The following SLC15A5 variants were observed in gnomAD, a reference collection of about 807,000 sequenced individuals.
SLC15A5 encodes the protein solute carrier family 15 member 5, also known as Peptide/histidine transporter ENSP00000340402.
A neutral mutation model predicts 56.1 loss-of-function variants in SLC15A5; 58 were observed. The observed-to-expected ratio is 1.03, with a 90% confidence interval of 0.84 to 1.29. SLC15A5 has a LOEUF of 1.29. Among genes scored for constraint, SLC15A5 ranks in the 50% most tolerant of loss-of-function variants. The pLI is 0.00. For synonymous variants in SLC15A5, 264 were observed against 250.5 expected, an observed-to-expected ratio of 1.05 and a Z score of -0.51; for missense variants, 681 against 672.1, an observed-to-expected ratio of 1.01 and a Z score of -0.15.
intron 5 of SLC15A5, among the ~76,000 whole-genome samples, chr12:16,232,674 G>C (rs528888659): frequency 1.3e-5 from 2 of 152,300 alleles, no homozygotes; most frequent in Non-Finnish European, 2.9e-5. Flanking sequence ...CCAGCACTTT[G>C]GGAGGCCGAG....
intron 3 of SLC15A5, among the ~76,000 whole-genome samples, chr12:16,246,973 A>T (rs1275967863): frequency 1.3e-5 from 2 of 152,224 alleles, no homozygotes; most frequent in African/African-American, 4.8e-5. Flanking sequence ...AATAAAAATG[A>T]AATATCTAAA....
At position 16,189,675 on chromosome 12, in the gene SLC15A5, G is replaced by T; in HGVS notation, c.1733C>A (p.Ala578Asp). ...GTAGACTCAAACACAGTTTCATAGG[G>T]CTGTCTCCCAAAGATCAATACTTGA... Reference protein sequence around the residue: ...FSSSIDLWETAL With the variant: ...FSSSIDLWETDL Residue 578 changes from alanine (A) to aspartate (D), a missense_variant, in exon 9 of 9, where the codon GCC (alanine) becomes GAC (aspartate). Coordinates refer to ENST00000344941, the MANE Select transcript of SLC15A5 (RefSeq NM_001170798.1). 6.6e-7 allele frequency: 1 copy of T among 1,507,162 alleles called. No individual in the cohort carries two copies. 93.4% of individuals were successfully genotyped at this position (1,507,162 alleles called of 1,614,324 possible).
At chr12:16,202,834 A>G (rs1412996328) in intron 7 of SLC15A5, among the ~76,000 whole-genome samples, 2 of 152,296 alleles carry the variant, frequency 1.3e-5, no homozygotes, top group East Asian at 3.9e-4. Flanking sequence ...TCTAGAGTAC[A>G]TTATGCTAAT....
intron 3 of SLC15A5, among the ~76,000 whole-genome samples, chr12:16,248,455 G>C (rs1355717433): frequency 1.3e-5 from 2 of 152,066 alleles, no homozygotes; most frequent in African/African-American, 2.4e-5. Context: ...CAATGTGCTA[G>C]ATGGGTTGTA....
intron 1 of SLC15A5, among the ~76,000 whole-genome samples, chr12:16,276,523 G>C (rs1436303465): frequency 6.6e-6 from 1 of 151,918 alleles, no homozygotes; most frequent in Non-Finnish European, 1.5e-5. Context: ...GAGATTTTCT[G>C]ATCTCTCTCT....
intron 3 of SLC15A5, among the ~76,000 whole-genome samples, chr12:16,253,907 A>G (rs1187116663): frequency 6.6e-6 from 1 of 152,146 alleles, no homozygotes; most frequent in East Asian, 1.9e-4. Context: ...AATTACTACT[A>G]TATGATTCAG....
chr12:16,200,100 G>C (rs1863938764), intron 7 of SLC15A5, among the ~76,000 whole-genome samples: 1 of 151,696 alleles, frequency 6.6e-6, no homozygotes, highest in Non-Finnish European at 1.5e-5. Flanking sequence ...GGGTCAATAT[G>C]GGTAAGGAAA....
intron 5 of SLC15A5, 116 bp downstream of exon 5, chr12:16,239,565 T>C: frequency 9.7e-7 from 1 of 1,031,612 alleles, no homozygotes; most frequent in Non-Finnish European, 1.4e-6. Context: ...TCACCTGTTT[T>C]CCATATTATC....
At chr12:16,250,717 T>G (rs1311096993) in intron 3 of SLC15A5, among the ~76,000 whole-genome samples, 1 of 151,964 alleles carries the variant, frequency 6.6e-6, no homozygotes, top group Non-Finnish European at 1.5e-5. Flanking sequence ...TTAAAAGATA[T>G]TCTAACATAA....
intron 2 of SLC15A5, among the ~76,000 whole-genome samples, chr12:16,264,688 G>A (rs1472393017): frequency 6.6e-6 from 1 of 152,122 alleles, no homozygotes; most frequent in Non-Finnish European, 1.5e-5. Context: ...GAATCATGGG[G>A]GCACATCTTT....
At chr12:16,198,132 A>G (rs1304826725) in intron 7 of SLC15A5, among the ~76,000 whole-genome samples, 1 of 152,174 alleles carries the variant, frequency 6.6e-6, no homozygotes, top group African/African-American at 2.4e-5. Flanking sequence ...GCTAGTTAGT[A>G]ATAGTGTTCA....
intron 7 of SLC15A5, among the ~76,000 whole-genome samples, chr12:16,210,783 G>A (rs959409133): frequency 3.9e-5 from 6 of 152,266 alleles, no homozygotes; most frequent in Middle Eastern, 3.4e-3. Flanking sequence ...CAATAGCAAT[G>A]GACTGTTGCT....
Position 16,251,745 on chromosome 12 carries a change from A to C in SLC15A5, c.754+5956T>G, listed in dbSNP as rs553610699. Among the ~76,000 whole-genome samples the C allele has an allele frequency of 3.3e-5, 5 of 151,722 alleles. No homozygotes were observed. In the South Asian group the frequency reaches 1.0e-3, roughly 32 times the overall value. The stretch of plus-strand genomic sequence containing the variant: ...ACTGGAGAACGGTACCAAACATTTA[A>C]AGAAGAATTAACACCTGTTTTTCTT... On this transcript the variant is annotated intron_variant, in intron 3 of 8. Coordinates refer to ENST00000344941, the MANE Select transcript of SLC15A5 (RefSeq NM_001170798.1).
At chr12:16,215,229 AC>A (rs61104507) in intron 7 of SLC15A5, among the ~76,000 whole-genome samples, 11,298 of 37,040 alleles carry the variant, frequency 0.31, 2,633 homozygotes, top group East Asian at 0.41. Context: ...AAAAAAAAAA[AC>A]CAAAGTGAGG....
At chr12:16,259,899 G>GT (rs1054599382) in intron 2 of SLC15A5, among the ~76,000 whole-genome samples, 1 of 150,658 alleles carries the variant, frequency 6.6e-6, no homozygotes, top group Non-Finnish European at 1.5e-5. Flanking sequence ...ACACCACCCG[G>GT]GCGGGGGGTA....
chr12:16,194,278 A>C, intron 8 of SLC15A5, 67 bp downstream of exon 8: 1 of 958,130 alleles, frequency 1.0e-6, no homozygotes, highest in Non-Finnish European at 1.6e-6. Flanking sequence ...TCCCTGGCTC[A>C]GTGATGGTTC....
At chr12:16,261,047 C>T (rs1352565581) in intron 2 of SLC15A5, among the ~76,000 whole-genome samples, 1 of 151,574 alleles carries the variant, frequency 6.6e-6, no homozygotes, top group Non-Finnish European at 1.5e-5. Context: ...ACTTTCTTTT[C>T]TCTTGTTTTT....
In SLC15A5 at chr12:16,205,567, GAAGGGAAAGGTGCA is replaced by G. The variant is rs1565657569; in HGVS notation, c.1484-11128_1484-11115del. 1.3e-3 allele frequency among the ~76,000 whole-genome samples: 3 copies of G among 2,282 alleles called. No homozygotes were observed. In the East Asian group the frequency reaches 0.062, roughly 48 times the overall value. 1.5% of individuals were successfully genotyped at this position (2,282 alleles called of 152,430 possible). A position where few individuals can be genotyped will look rare whatever the true frequency, so the allele number is the denominator to read the frequency against. ...ATATGTATATATATATATTCCATAA[GAAGGGAAAGGTGCA>G]TATATATATACATATACACACACAC... is the stretch of plus-strand genomic sequence containing the variant. On this transcript the variant is annotated intron_variant, in intron 7 of 8. Coordinates refer to ENST00000344941, the MANE Select transcript of SLC15A5 (RefSeq NM_001170798.1).
chr12:16,208,966 C>G (rs1671528), intron 7 of SLC15A5, among the ~76,000 whole-genome samples: 29,348 of 150,826 alleles, frequency 0.19, 3,001 homozygotes, highest in East Asian at 0.3. Context: ...CATGCTATCT[C>G]TTAAATCTTC....
Sources: allele counts gnomAD v4.1 joint callset (sites outside exome capture counted in the v4.1 genomes callset), GRCh38; gene constraint gnomAD v4.1.1; transcripts MANE v1.5; gene names NCBI Gene and HGNC (gene_info 2026-07-23, HGNC 2026-07-21).